GALNTL5: variants seen among roughly 807,000 people sequenced by gnomAD.
GALNTL5 encodes the protein polypeptide N-acetylgalactosaminyltransferase like 5.
GALNTL5 carries 44 observed loss-of-function variants against 51.0 expected under a neutral mutation model. The observed-to-expected ratio is 0.86, with a 90% CI of 0.68 to 1.11. The LOEUF is 1.11. Ranked by LOEUF, GALNTL5 falls within the 50% of genes least tolerant of loss-of-function variation. The probability of loss-of-function intolerance (pLI) is 0.00; values close to 1 mark genes in which losing one functional copy is unlikely to be tolerated. For missense variants in GALNTL5, 528 were observed against 531.8 expected, an observed-to-expected ratio of 0.99 and a Z score of 0.07; for synonymous variants, 192 against 182.8, an observed-to-expected ratio of 1.05 and a Z score of -0.41.
At chr7:152,014,424 C>T (rs112432989) in intron 7 of GALNTL5, among the ~76,000 whole-genome samples, 126 of 152,242 alleles carry the variant, frequency 8.3e-4, no homozygotes, top group South Asian at 1.0e-3. Flanking sequence ...TGCGCCACCA[C>T]GCCTGGCTAA....
intron 7 of GALNTL5, among the ~76,000 whole-genome samples, chr7:152,011,925 T>C (rs2081743000): frequency 6.6e-6 from 1 of 152,220 alleles, no homozygotes; most frequent in African/African-American, 2.4e-5. Flanking sequence ...TTGAGAACAA[T>C]AAGCATTTAC....
intron 1 of GALNTL5, among the ~76,000 whole-genome samples, chr7:151,961,084 T>C (rs2080985685): frequency 6.6e-6 from 1 of 152,108 alleles, no homozygotes; most frequent in Non-Finnish European, 1.5e-5. Flanking sequence ...TCCAGCACTT[T>C]GGGAGGCCAA....
intron 8 of GALNTL5, among the ~76,000 whole-genome samples, chr7:152,017,803 G>A (rs544176241): frequency 1.6e-4 from 24 of 151,712 alleles, no homozygotes; most frequent in Admixed American, 2.6e-4. Flanking sequence ...TGATTTCCTC[G>A]GCTTTTTGCT....
intron 5 of GALNTL5, among the ~76,000 whole-genome samples, chr7:152,000,051 A>G (rs1353020643): frequency 1.3e-5 from 2 of 152,244 alleles, no homozygotes; most frequent in Admixed American, 6.5e-5. Context: ...CTCAGACATC[A>G]ATACAATAAA....
intron 5 of GALNTL5, among the ~76,000 whole-genome samples, chr7:151,993,900 G>A (rs1346645984): frequency 1.3e-5 from 2 of 152,118 alleles, no homozygotes; most frequent in Non-Finnish European, 2.9e-5. Flanking sequence ...GGGATTACAG[G>A]CATGAGCCAC....
At chr7:152,008,815 C>T (rs1392117453) in intron 7 of GALNTL5, among the ~76,000 whole-genome samples, 2 of 152,016 alleles carry the variant, frequency 1.3e-5, no homozygotes, top group African/African-American at 2.4e-5. Context: ...AACGCTCATG[C>T]CTTTGGCGCA....
intron 8 of GALNTL5, among the ~76,000 whole-genome samples, chr7:152,015,988 GA>G (rs1026149425): frequency 1.3e-5 from 2 of 151,978 alleles, no homozygotes; most frequent in Non-Finnish European, 2.9e-5. Context: ...TTCTCTAACT[GA>G]AAAAAACACA....
At chr7:151,994,919 G>C (rs2081478002) in intron 5 of GALNTL5, 1 of 152,194 alleles carries the variant, frequency 6.6e-6, no homozygotes. Flanking sequence ...ACCACGCCCG[G>C]CTAATTTTTT....
At position 152,017,849 on chromosome 7, in the gene GALNTL5, T is replaced by C. The variant is rs1213668976; in HGVS notation, c.1177-1797T>C. 2.0e-5 allele frequency among the ~76,000 whole-genome samples: 3 copies of C among 152,150 alleles called. 1 individual carries two copies. The highest frequency in any genetic ancestry group is 2.0e-4 in the Admixed American group (3 of 15,274). On this transcript the variant is annotated intron_variant, in intron 8 of 8. Transcript: ENST00000392800. ...CAATCCTCAAATGAGAATTCTTTTT[T>C]TTTTTCTTTCTTTTGAAACAGAGTC...
intron 3 of GALNTL5, among the ~76,000 whole-genome samples, chr7:151,979,378 T>C (rs1306315862): frequency 6.7e-6 from 1 of 149,962 alleles, no homozygotes; most frequent in Non-Finnish European, 1.5e-5. Flanking sequence ...CCTCCCAAAG[T>C]GCTGGGATTA....
chr7:151,995,567 G>A (rs2081489389), intron 5 of GALNTL5, among the ~76,000 whole-genome samples: 1 of 151,652 alleles, frequency 6.6e-6, no homozygotes, highest in Non-Finnish European at 1.5e-5. Flanking sequence ...GGGAGAATTA[G>A]ACAAGTCACT....
At chr7:152,007,969 T>C in intron 7 of GALNTL5, 25 bp downstream of exon 7, 1 of 1,250,728 alleles carries the variant, frequency 8.0e-7, no homozygotes, top group Non-Finnish European at 1.2e-6. Context: ...ATTTTTAAAA[T>C]AGCTATAGAG....
chr7:152,005,319 G>C (rs1298316019), intron 6 of GALNTL5, among the ~76,000 whole-genome samples: 1 of 152,142 alleles, frequency 6.6e-6, no homozygotes. Flanking sequence ...GCATCACCAT[G>C]ACCAAGGATC....
At chr7:151,992,446 G>C (rs1188692752) in intron 5 of GALNTL5, among the ~76,000 whole-genome samples, 1 of 152,164 alleles carries the variant, frequency 6.6e-6, no homozygotes, top group Non-Finnish European at 1.5e-5. Flanking sequence ...ACCTGCAGGG[G>C]AGGCTCCTTC....
intron 1 of GALNTL5, among the ~76,000 whole-genome samples, chr7:151,963,454 G>A (rs1289393750): frequency 6.6e-6 from 1 of 152,208 alleles, no homozygotes; most frequent in Admixed American, 6.5e-5. Context: ...CTGAAGTGCA[G>A]TGGCACAATC....
At chr7:151,985,953 T>C (rs978293950) in intron 4 of GALNTL5, 10 of 152,270 alleles carry the variant, frequency 6.6e-5, no homozygotes, top group African/African-American at 2.2e-4. Flanking sequence ...CTGTTCCTGT[T>C]CAACCTGCCC....
chr7:151,982,847 T>C (rs2151946966), intron 3 of GALNTL5, 139 bp from the exon 4 acceptor site: 2 of 1,555,520 alleles, frequency 1.3e-6, no homozygotes, highest in African/African-American at 1.4e-5. Context: ...TTAGATGTAC[T>C]GTCACCTTAT....
Position 151,995,348 on chromosome 7 carries a change from A to ATTTTTTTT in GALNTL5, c.659-7331_659-7324dup, listed in dbSNP as rs71198750. On this transcript the variant is annotated intron_variant, in intron 5 of 8. Transcript: ENST00000392800. Reference sequence around the variant, plus strand: ...AGAAATCTACGATCAGTTGGTATGAATTTTTTTTTTTTTTTTTTTTTTTTT... The same window carrying ATTTTTTTT: ...AGAAATCTACGATCAGTTGGTATGAATTTTTTTTTTTTTTTTTTTTTTTTTTTTTTTTT... 8.7e-4 allele frequency: 62 copies of ATTTTTTTT among 71,164 alleles called. 7 individuals carry two copies. The highest frequency in any genetic ancestry group is 1.5e-3 in the African/African-American group (31 of 20,746). 4.4% of individuals were successfully genotyped at this position (71,164 alleles called of 1,614,324 possible).
chr7:151,984,889 C>T (rs1413989372), intron 4 of GALNTL5, among the ~76,000 whole-genome samples: 1 of 152,158 alleles, frequency 6.6e-6, no homozygotes, highest in Non-Finnish European at 1.5e-5. Flanking sequence ...CGGATACCTC[C>T]CCCAGCCTTT....
Sources: gnomAD v4.1 joint callset for allele counts (sites outside exome capture counted in the v4.1 genomes callset) on GRCh38, gnomAD v4.1.1 for gene constraint, MANE v1.5 for transcripts, NCBI Gene and HGNC (gene_info 2026-07-23, HGNC 2026-07-21) for gene names.